Variants in CYP4F2 observed in about 807,000 individuals in gnomAD.
CYP4F2 encodes the protein cytochrome P450 family 4 subfamily F member 2.
CYP4F2 carries 58 observed loss-of-function variants against 58.9 expected under a neutral mutation model. The observed-to-expected ratio is 0.98, with a 90% CI of 0.80 to 1.23. The LOEUF is 1.23. Ranked by LOEUF, CYP4F2 falls within the 50% of genes most tolerant of loss-of-function variation. The probability of loss-of-function intolerance (pLI) is 0.00; values close to 1 mark genes in which losing one functional copy is unlikely to be tolerated. For synonymous variants in CYP4F2, 287 were observed against 261.1 expected (o/e 1.10, Z -0.95); for missense variants, 616 against 685.6 (o/e 0.90, Z 1.13).
chr19:15,884,783 C>T (rs912900758), intron 9 of CYP4F2, among the ~76,000 whole-genome samples: 1 of 152,188 alleles, frequency 6.6e-6, no homozygotes, highest in Non-Finnish European at 1.5e-5. Context: ...CTTCCTCCAG[C>T]CCCTGGCCTG....
chr19:15,885,140 C>T (rs1481711302), intron 9 of CYP4F2, among the ~76,000 whole-genome samples: 1 of 151,882 alleles, frequency 6.6e-6, no homozygotes, highest in Non-Finnish European at 1.5e-5. Context: ...CTCTTCCTCC[C>T]TCTCTCTTCC....
intron 9 of CYP4F2, among the ~76,000 whole-genome samples, chr19:15,881,899 A>G (rs1320613859): frequency 1.3e-5 from 2 of 152,188 alleles, no homozygotes; most frequent in Non-Finnish European, 2.9e-5. Flanking sequence ...TCAGAAACAC[A>G]AACACACATG....
At chr19:15,886,500 T>G in intron 7 of CYP4F2, 192 bp from the exon 8 acceptor site, 2 of 615,454 alleles carry the variant, frequency 3.2e-6, no homozygotes, top group Non-Finnish European at 2.8e-6. Context: ...CCTTCCTCTC[T>G]GGCTTCCTTG....
intron 8 of CYP4F2, 49 bp from the exon 9 acceptor site, chr19:15,886,102 G>A (rs750131793): frequency 1.7e-5 from 27 of 1,606,778 alleles, no homozygotes; most frequent in South Asian, 5.5e-5. Flanking sequence ...TTCAGCACCC[G>A]AAGGTAGACA....
chr19:15,897,365 G>A, intron 2 of CYP4F2, 49 bp downstream of exon 2: 1 of 1,426,998 alleles, frequency 7.0e-7, no homozygotes, highest in Non-Finnish European at 9.5e-7. Context: ...GTACCCCTCA[G>A]GAAGTCCATC....
intron 9 of CYP4F2, among the ~76,000 whole-genome samples, chr19:15,880,333 A>T (rs1351768169): frequency 6.6e-6 from 1 of 152,156 alleles, no homozygotes; most frequent in African/African-American, 2.4e-5. Flanking sequence ...GACAGAAAAA[A>T]AAAAATCAAT....
intron 2 of CYP4F2, 31 bp from the exon 3 acceptor site, chr19:15,895,681 G>A: frequency 6.3e-7 from 1 of 1,579,608 alleles, no homozygotes; most frequent in Non-Finnish European, 8.6e-7. Context: ...ATTACCTTCT[G>A]TGATAGTTAA....
chr19:15,880,147 G>A (rs572299920), intron 9 of CYP4F2, among the ~76,000 whole-genome samples: 1 of 152,114 alleles, frequency 6.6e-6, no homozygotes, highest in African/African-American at 2.4e-5. Flanking sequence ...GATAAAGACA[G>A]CCCCTGCTCA....
chr19:15,897,591 G>T lies in CYP4F2; in HGVS notation c.21C>A (p.Ser7=), dbSNP rs777355865. 4.6e-5 allele frequency: 74 copies of T among 1,613,750 alleles called. No homozygotes were observed. The highest frequency in any genetic ancestry group is 6.1e-5 in the Non-Finnish European group (72 of 1,179,866). MSQLSL[S]WLGLWPVAAS... ...CTGCCACTGGCCAGAGGCCCAGCCAGGACAGGCTCAGCTGGGACATCCTGC... is the reference window on the plus strand; with the variant it reads ...CTGCCACTGGCCAGAGGCCCAGCCATGACAGGCTCAGCTGGGACATCCTGC... The change falls in exon 2 of 13, where the codon TCC becomes TCA. Residue 7 remains serine, a synonymous_variant. Transcript: ENST00000221700.
intron 9 of CYP4F2, among the ~76,000 whole-genome samples, chr19:15,884,921 C>G (rs2089367628): frequency 6.6e-6 from 1 of 152,188 alleles, no homozygotes; most frequent in Non-Finnish European, 1.5e-5. Context: ...ACTGCTCAAA[C>G]ACTTCCCATG....
Position 15,895,575 on chromosome 19 carries a change from T to A in CYP4F2, c.274A>T (p.Met92Leu), listed in dbSNP as rs745455806. 6.3e-7 allele frequency: 1 copy of A among 1,587,518 alleles called. No individual in the cohort carries two copies. ...CTGAGGAGGGGGGAGATGGGTCCCA[T>A]CCAGACCTTAAAGCCCTGGGGGTAG... ...ATYPQGFKVWMGPISPLLSLC... is the reference protein window; with the variant it reads ...ATYPQGFKVWLGPISPLLSLC... Residue 92 changes from methionine to leucine, a missense_variant, in exon 3 of 13, where the codon ATG (methionine) becomes TTG (leucine). Transcript: ENST00000221700.
At chr19:15,892,210 G>A in intron 5 of CYP4F2, 99 bp downstream of exon 5, 11 of 1,559,708 alleles carry the variant, frequency 7.1e-6, no homozygotes, top group Non-Finnish European at 9.6e-6. Context: ...AAGAGCAATG[G>A]CCCAATGGCA....
chr19:15,880,739 C>T (rs538502774), intron 9 of CYP4F2, among the ~76,000 whole-genome samples: 147 of 152,030 alleles, frequency 9.7e-4, no homozygotes, highest in African/African-American at 3.4e-3. Flanking sequence ...CAAACATCAA[C>T]ACGTGAAAGA....
intron 5 of CYP4F2, among the ~76,000 whole-genome samples, chr19:15,891,591 T>C (rs1437630836): frequency 1.3e-5 from 2 of 152,212 alleles, no homozygotes; most frequent in Admixed American, 1.3e-4. Context: ...TTTATCCCCC[T>C]GCCTTTGATT....
At chr19:15,897,323 GC>G in intron 2 of CYP4F2, 90 bp downstream of exon 2, 1 of 736,552 alleles carries the variant, frequency 1.4e-6, no homozygotes. Flanking sequence ...CCAGATCCCA[GC>G]CCACCCCTTC....
At chr19:15,887,956 A>T (rs2089391075) in intron 7 of CYP4F2, among the ~76,000 whole-genome samples, 1 of 152,154 alleles carries the variant, frequency 6.6e-6, no homozygotes, top group South Asian at 2.1e-4. Flanking sequence ...ACACACACAC[A>T]CATAGACAAA....
intron 9 of CYP4F2, among the ~76,000 whole-genome samples, chr19:15,882,393 A>C (rs1030803990): frequency 8.5e-5 from 13 of 152,182 alleles, no homozygotes; most frequent in Non-Finnish European, 1.5e-4. Context: ...ATAGTTTTTG[A>C]GATCTACTGC....
At chr19:15,892,212 C>T in intron 5 of CYP4F2, 97 bp downstream of exon 5, 1 of 1,564,586 alleles carries the variant, frequency 6.4e-7, no homozygotes. Context: ...GAGCAATGGC[C>T]CAATGGCACC....
At chr19:15,882,405 C>T (rs960604055) in intron 9 of CYP4F2, among the ~76,000 whole-genome samples, 1 of 152,094 alleles carries the variant, frequency 6.6e-6, no homozygotes, top group South Asian at 2.1e-4. Context: ...ATCTACTGCA[C>T]AGCATGGTGA....
Sources: gnomAD v4.1 joint callset for allele counts (sites outside exome capture counted in the v4.1 genomes callset) on GRCh38, gnomAD v4.1.1 for gene constraint, MANE v1.5 for transcripts, NCBI Gene and HGNC (gene_info 2026-07-23, HGNC 2026-07-21) for gene names.